Variants in UNC80 observed in about 807,000 individuals in gnomAD.
The protein encoded by UNC80 is unc-80 subunit of NALCN channel complex.
In UNC80, 164 loss-of-function variants were observed where a neutral mutation model predicts 384.6. That is an observed-to-expected ratio of 0.43 (90% CI 0.38 to 0.49). UNC80 has a LOEUF of 0.49. UNC80 is among the 20% of genes least tolerant of loss of function. The pLI is 0.00. For missense variants in UNC80, 3,330 were observed against 4,143.0 expected, an observed-to-expected ratio of 0.80 and a Z score of 5.39; for synonymous variants, 1,486 against 1,527.8, an observed-to-expected ratio of 0.97 and a Z score of 0.64.
Position 209,831,489 on chromosome 2 carries a change from C to T in UNC80, c.2673C>T (p.Ser891=), listed in dbSNP as rs1428030028. The T allele has an allele frequency of 1.3e-6, 2 of 1,551,266 alleles. No individual in the cohort carries two copies. The highest frequency in any genetic ancestry group is 2.4e-5 in the South Asian group (2 of 84,008). The change falls in exon 16 of 65, where the codon TCC becomes TCT. Residue 891 remains serine (S), a synonymous_variant. Transcript: ENST00000673920. ...GNNFTTVDNK[S]TAQNVEGIIV... is the part of the protein sequence containing the mutation. ...ACTTCACCACAGTGGACAACAAATC[C>T]ACAGCCCAAAATGTGGAAGGCATTA...
rs1202758414 is a variant in UNC80 at position 209,955,734 on chromosome 2, T to TAC, written c.7457+1465_7457+1466insCA. ...ATATATATATATATATATATATATA[T>TAC]ATATACACACACACACACACACACA... On this transcript the variant is annotated intron_variant, in intron 48 of 64. Transcript: ENST00000673920. Among the ~76,000 whole-genome samples, 19 of 64,108 alleles carry TAC rather than the reference T, an allele frequency of 3.0e-4. No homozygotes were observed. The South Asian group carries it at 3.4e-3, about 11-fold the overall frequency. 42.1% of individuals were successfully genotyped at this position (64,108 alleles called of 152,430 possible). A position where few individuals can be genotyped will look rare whatever the true frequency, so the allele number is the denominator to read the frequency against.
chr2:209,941,095 C>T, intron 43 of UNC80, 126 bp from the exon 44 acceptor site: 2 of 1,220,424 alleles, frequency 1.6e-6, no homozygotes, highest in South Asian at 1.9e-5. Flanking sequence ...AACATTTCAG[C>T]AGTAGATCTT....
intron 36 of UNC80, 66 bp downstream of exon 36, chr2:209,927,052 G>C (rs2090489038): frequency 3.9e-6 from 6 of 1,521,792 alleles, no homozygotes; most frequent in Non-Finnish European, 5.3e-6. Context: ...GAAGACAGTA[G>C]GTTGCTCTTA....
At position 209,918,613 on chromosome 2, in the gene UNC80, G is replaced by T; in HGVS notation, c.5293G>T (p.Val1765Phe). The change falls in exon 33 of 65, where the codon GTT becomes TTT. Residue 1765 changes from valine (V) to phenylalanine (F), a missense_variant. Transcript: ENST00000673920. ...PSVPMFDPPWVPQCSGSVQDP... is the reference protein window; with the variant it reads ...PSVPMFDPPWFPQCSGSVQDP... ...CGTCCCAATGTTTGACCCACCGTGG[G>T]TTCCTCAGTGCAGCGGGAGTGTCCA... is the stretch of plus-strand genomic sequence containing the variant. 6.4e-7 allele frequency: 1 copy of T among 1,551,938 alleles called. No individual in the cohort carries two copies. The highest frequency in any genetic ancestry group is 8.7e-7 in the Non-Finnish European group (1 of 1,147,028).
In UNC80 at chr2:209,945,095, C is replaced by G; in HGVS notation, c.7095C>G (p.Cys2365Trp). The G allele has an allele frequency of 6.4e-7, 1 of 1,551,534 alleles. No homozygotes were observed. The highest frequency in any genetic ancestry group is 1.2e-5 in the South Asian group (1 of 84,006). ...NGPSKGVSAQ[C>W]LFDLLQSLEG... Reference sequence around the variant, plus strand: ...CCAGCAAAGGTGTGTCAGCTCAGTGCCTGTTTGACTTGCTGCAGTCCCTAG... The same window carrying G: ...CCAGCAAAGGTGTGTCAGCTCAGTGGCTGTTTGACTTGCTGCAGTCCCTAG... Residue 2365 changes from cysteine (C) to tryptophan (W), a missense_variant, in exon 46 of 65, where the codon TGC becomes TGG. Coordinates refer to ENST00000673920, the MANE Select transcript of UNC80 (RefSeq NM_001371986.1).
Position 209,839,554 on chromosome 2 carries a change from C to A in UNC80, c.3250+124C>A. ...CAAGTCATAAGACCTAGACTGACTT[C>A]ATTCATTCATTCATTTAATTTTTCC... On this transcript the variant is annotated intron_variant, in intron 19 of 64. Transcript: ENST00000673920. The surrounding 1 kb of genome is among the most constrained non-coding windows in gnomAD (Gnocchi z 4.1). 1 of 923,294 alleles carries A rather than the reference C, an allele frequency of 1.1e-6. No homozygotes were observed. Among genetic ancestry groups the A allele is most frequent in the Non-Finnish European group, 1.6e-6 (1 of 617,382 alleles). 57.2% of individuals were successfully genotyped at this position (923,294 alleles called of 1,614,324 possible). A position where few individuals can be genotyped will look rare whatever the true frequency, so the allele number is the denominator to read the frequency against.
intron 36 of UNC80, among the ~76,000 whole-genome samples, chr2:209,927,390 C>T (rs2090519309): frequency 6.6e-6 from 1 of 152,094 alleles, no homozygotes; most frequent in Admixed American, 6.5e-5. Flanking sequence ...CAAAATGAAA[C>T]GATAAACTAA....
chr2:209,981,804 T>G (rs973406104), intron 59 of UNC80, among the ~76,000 whole-genome samples: 3 of 152,220 alleles, frequency 2.0e-5, no homozygotes, highest in African/African-American at 7.2e-5. Context: ...AGGAAATGTA[T>G]TTGATTCATT....
At chr2:209,858,529 G>A (rs527874734) in intron 22 of UNC80, among the ~76,000 whole-genome samples, 6 of 152,042 alleles carry the variant, frequency 3.9e-5, no homozygotes, top group African/African-American at 1.2e-4. Context: ...CCAACATAGC[G>A]AAACCCTGTC....
chr2:209,856,267 A>G, intron 22 of UNC80, among the ~76,000 whole-genome samples: 1 of 151,982 alleles, frequency 6.6e-6, no homozygotes, highest in South Asian at 2.1e-4. Flanking sequence ...AAAATATTTC[A>G]TTTGTGTCTT....
At chr2:209,982,593 A>T in intron 60 of UNC80, 1 of 274,166 alleles carries the variant, frequency 3.6e-6, no homozygotes, top group Non-Finnish European at 6.8e-6. Flanking sequence ...GTCAAATGGC[A>T]TTCTTGTATT....
At chr2:209,779,220 A>T (rs961594563) in intron 4 of UNC80, among the ~76,000 whole-genome samples, 2 of 151,722 alleles carry the variant, frequency 1.3e-5, no homozygotes, top group Non-Finnish European at 2.9e-5. Context: ...CCTGGGCCTC[A>T]TCTCCCTCTA....
intron 7 of UNC80, chr2:209,808,872 G>A (rs1267637996): frequency 2.1e-5 from 6 of 291,114 alleles, no homozygotes; most frequent in East Asian, 1.2e-4. Context: ...GCAAACTGCC[G>A]GACTCGAATC....
At chr2:209,916,307 A>T (rs182827669) in intron 31 of UNC80, among the ~76,000 whole-genome samples, 96 of 152,308 alleles carry the variant, frequency 6.3e-4, no homozygotes, top group African/African-American at 2.1e-3. Context: ...GTGATCAGAA[A>T]AGTACAGAAC....
intron 31 of UNC80, among the ~76,000 whole-genome samples, chr2:209,917,576 C>T (rs1455153602): frequency 3.3e-5 from 5 of 152,140 alleles, no homozygotes; most frequent in African/African-American, 4.8e-5. Flanking sequence ...ACTGAAATGT[C>T]ATGTTGTTGC....
chr2:209,978,986 T>C (rs949843069), intron 59 of UNC80, among the ~76,000 whole-genome samples: 8 of 152,224 alleles, frequency 5.3e-5, no homozygotes, highest in African/African-American at 1.9e-4. Context: ...CGGTGGCTCA[T>C]GCCTGTAGTC....
In UNC80 at chr2:209,818,966, A is replaced by G. The variant is rs184319905; in HGVS notation, c.1694-27A>G. ...GGTATTGTAGGTTAATGTAGGGAGA[A>G]CTAAGACATTGCTTTCATTTTATTA... On this transcript the variant is annotated intron_variant, in intron 11 of 64. Coordinates refer to ENST00000673920, the MANE Select transcript of UNC80 (RefSeq NM_001371986.1). 3.7e-3 allele frequency: 5,720 copies of G among 1,546,904 alleles called. 18 individuals carry two copies. The highest frequency in any genetic ancestry group is 3.9e-3 in the Non-Finnish European group (4,455 of 1,143,898).
intron 29 of UNC80, among the ~76,000 whole-genome samples, chr2:209,905,778 C>T (rs2088119415): frequency 6.6e-6 from 1 of 152,178 alleles, no homozygotes; most frequent in Admixed American, 6.5e-5. Flanking sequence ...GCAACTATTA[C>T]ATTTTTCAAG....
At chr2:209,994,826 AGC>A (rs2093456217) in intron 64 of UNC80, among the ~76,000 whole-genome samples, 1 of 152,214 alleles carries the variant, frequency 6.6e-6, no homozygotes, top group South Asian at 2.1e-4. Flanking sequence ...GTTTAGATAA[AGC>A]CTCTAAATAT....
Sources: allele counts gnomAD v4.1 joint callset (sites outside exome capture counted in the v4.1 genomes callset), GRCh38; gene constraint gnomAD v4.1.1; non-coding constraint Gnocchi (gnomAD v3.1); transcripts MANE v1.5; gene names NCBI Gene and HGNC (gene_info 2026-07-23, HGNC 2026-07-21).